Variants in SETDB2 observed in about 807,000 individuals in gnomAD.
SETDB2 encodes SET domain bifurcated histone lysine methyltransferase 2.
In SETDB2, 56 loss-of-function variants were observed where a neutral mutation model predicts 82.5. That is an observed-to-expected ratio of 0.68 (90% confidence interval 0.55 to 0.85). SETDB2 has a LOEUF of 0.85. SETDB2 is among the 40% of genes least tolerant of loss of function. The probability of loss-of-function intolerance (pLI) is 0.00; values close to 1 mark genes in which losing one functional copy is unlikely to be tolerated. For missense variants in SETDB2, 677 were observed against 816.4 expected (o/e 0.83, Z 2.08); for synonymous variants, 272 against 284.9 (o/e 0.95, Z 0.46).
chr13:49,447,415 T>C (rs181672150), intron 1 of SETDB2, among the ~76,000 whole-genome samples: 11 of 152,274 alleles, frequency 7.2e-5, no homozygotes, highest in Admixed American at 5.2e-4. Context: ...AGTACAGTAT[T>C]GAATAAAAAC....
At chr13:49,473,274 G>T (rs1320646397) in intron 5 of SETDB2, among the ~76,000 whole-genome samples, 1 of 152,014 alleles carries the variant, frequency 6.6e-6, no homozygotes, top group Non-Finnish European at 1.5e-5. Context: ...CCGAGGCCAG[G>T]TGCGGTGGCT....
At chr13:49,455,357 A>G (rs1306130853) in intron 2 of SETDB2, among the ~76,000 whole-genome samples, 1 of 152,174 alleles carries the variant, frequency 6.6e-6, no homozygotes, top group Non-Finnish European at 1.5e-5. Context: ...CATATCATTG[A>G]GTATTTTTAC....
At position 49,444,279 on chromosome 13, in the gene SETDB2, T is replaced by C. The variant is rs867009902; in HGVS notation, c.-920T>C. On this transcript the variant is annotated 5_prime_UTR_variant, in exon 1 of 14. Coordinates refer to ENST00000611815, the MANE Select transcript of SETDB2 (RefSeq NM_001160308.3). The stretch of plus-strand genomic sequence containing the variant: ...AGGTCGGCCTGGTCCCCGGCGGAGG[T>C]TACGCCTTCCCTCATCCCCGGTAGA... 1 of 330,910 alleles carries C rather than the reference T, an allele frequency of 3.0e-6. No homozygotes were observed. The highest frequency in any genetic ancestry group is 6.0e-6 in the Non-Finnish European group (1 of 167,438). 20.5% of individuals were successfully genotyped at this position (330,910 alleles called of 1,614,324 possible). A position where few individuals can be genotyped will look rare whatever the true frequency, so the allele number is the denominator to read the frequency against.
At chr13:49,466,089 A>T (rs944712478) in intron 4 of SETDB2, among the ~76,000 whole-genome samples, 1 of 152,220 alleles carries the variant, frequency 6.6e-6, no homozygotes, top group Non-Finnish European at 1.5e-5. Flanking sequence ...AACAGGTAAC[A>T]GTCACAAGGG....
In SETDB2 at chr13:49,488,302, C is replaced by A; in HGVS notation, c.1589C>A (p.Ser530Ter). ...AAATGTCTATTAGAGGACTCAAGTT[C>A]AAACCATGTTGATGAGTTTGAAGAT... Reference protein sequence around the residue: ...KTKGAQKDSSSNHVDEFEDNL... With the variant: ...KTKGAQKDSS The change falls in exon 12 of 14, where the codon TCA becomes TAA. Residue 530 changes from serine to a stop codon, truncating the protein, a stop_gained. Transcript: ENST00000611815. LOFTEE classifies it high-confidence loss of function. 1.3e-6 allele frequency: 2 copies of A among 1,584,912 alleles called. No individual in the cohort carries two copies. Among genetic ancestry groups the A allele is most frequent in the South Asian group, 2.3e-5 (2 of 85,198 alleles).
At chr13:49,470,321 T>A (rs565215184) in intron 5 of SETDB2, among the ~76,000 whole-genome samples, 7 of 152,330 alleles carry the variant, frequency 4.6e-5, no homozygotes, top group African/African-American at 1.7e-4. Context: ...GGACATGTCT[T>A]ATTAGGCTTA....
At chr13:49,475,444 G>C (rs1299963654) in intron 5 of SETDB2, among the ~76,000 whole-genome samples, 1 of 151,668 alleles carries the variant, frequency 6.6e-6, no homozygotes, top group Admixed American at 6.6e-5. Context: ...CAGATTATTT[G>C]TGAAAGTTTA....
At chr13:49,487,051 A>G (rs1237517774) in intron 11 of SETDB2, among the ~76,000 whole-genome samples, 2 of 152,160 alleles carry the variant, frequency 1.3e-5, no homozygotes, top group Admixed American at 6.5e-5. Context: ...TGCCCTTTTC[A>G]TTGACTGCTA....
At chr13:49,457,334 T>G (rs557236420) in intron 2 of SETDB2, among the ~76,000 whole-genome samples, 118 of 151,974 alleles carry the variant, frequency 7.8e-4, no homozygotes, top group Middle Eastern at 6.8e-3. Flanking sequence ...CAGAATAATT[T>G]AGTAGCATGT....
intron 5 of SETDB2, among the ~76,000 whole-genome samples, chr13:49,471,327 A>G (rs184219331): frequency 1.3e-5 from 2 of 152,090 alleles, no homozygotes; most frequent in East Asian, 3.9e-4. Context: ...TAAGTGAGTT[A>G]TGACATAGGT....
intron 4 of SETDB2, among the ~76,000 whole-genome samples, chr13:49,463,303 G>A (rs374170670): frequency 2.6e-4 from 39 of 152,096 alleles, no homozygotes; most frequent in South Asian, 6.2e-4. Context: ...GAGCCACCGC[G>A]CCTGGTCAAC....
chr13:49,482,613 TA>T, intron 8 of SETDB2, 123 bp from the exon 9 acceptor site: 1 of 667,234 alleles, frequency 1.5e-6, no homozygotes, highest in Non-Finnish European at 2.5e-6. Context: ...TAGGATGAGT[TA>T]ATGTGTTTAT....
intron 12 of SETDB2, among the ~76,000 whole-genome samples, chr13:49,489,738 G>A (rs9535251): frequency 0.5 from 74,858 of 149,186 alleles, 18,935 homozygotes; most frequent in African/African-American, 0.56. Flanking sequence ...TGAGATTACA[G>A]GTGTGCACCA....
At position 49,451,845 on chromosome 13, in the gene SETDB2, T is replaced by G. The variant is rs1490365821; in HGVS notation, c.-49T>G. ...GTGATATTCTGCAATCAAAGTGATT[T>G]GATAAACCTAATTTTGAAGCATTTT... On this transcript the variant is annotated 5_prime_UTR_variant, in exon 2 of 14. Coordinates refer to ENST00000611815, the MANE Select transcript of SETDB2 (RefSeq NM_001160308.3). 2 of 1,498,290 alleles carry G rather than the reference T, an allele frequency of 1.3e-6. No homozygotes were observed. The highest frequency in any genetic ancestry group is 2.4e-5 in the South Asian group (2 of 83,274). The allele number at this position is 1,498,290 out of a possible 1,614,324, so 92.8% of individuals were successfully genotyped here.
chr13:49,472,700 A>G (rs1958274612), intron 5 of SETDB2, among the ~76,000 whole-genome samples: 1 of 152,058 alleles, frequency 6.6e-6, no homozygotes, highest in Non-Finnish European at 1.5e-5. Flanking sequence ...CCTTCTCTTT[A>G]GTAAAATGAA....
intron 11 of SETDB2, among the ~76,000 whole-genome samples, chr13:49,486,182 G>A (rs1449037461): frequency 6.6e-6 from 1 of 152,020 alleles, no homozygotes; most frequent in African/African-American, 2.4e-5. Flanking sequence ...GTGCACACCT[G>A]AGGTCTTAGC....
At chr13:49,458,692 T>C (rs1957938631) in intron 2 of SETDB2, among the ~76,000 whole-genome samples, 1 of 152,246 alleles carries the variant, frequency 6.6e-6, no homozygotes, top group African/African-American at 2.4e-5. Flanking sequence ...CAGATCTTAC[T>C]CTAGAGCCTA....
chr13:49,463,925 T>C, intron 4 of SETDB2: 2 of 700,948 alleles, frequency 2.9e-6, no homozygotes, highest in Non-Finnish European at 2.6e-6. Context: ...GTCTGGGCTG[T>C]GCCTATTGCT....
At position 49,476,853 on chromosome 13, in the gene SETDB2, T is replaced by C; in HGVS notation, c.683T>C (p.Val228Ala). The change falls in exon 6 of 14, where the codon GTT (valine) becomes GCT (alanine). Residue 228 changes from valine (V) to alanine (A), a missense_variant. By Grantham distance (64) the Val-to-Ala change is moderately conservative. Coordinates refer to ENST00000611815, the MANE Select transcript of SETDB2 (RefSeq NM_001160308.3). ...LARNYPKQKEVVSDVDISNGV... is the reference protein window; with the variant it reads ...LARNYPKQKEAVSDVDISNGV... Reference sequence around the variant, plus strand: ...CGGAATTACCCAAAGCAAAAAGAAGTTGTTTCTGATGTGGATATTAGCAAT... The same window carrying C: ...CGGAATTACCCAAAGCAAAAAGAAGCTGTTTCTGATGTGGATATTAGCAAT... 6.2e-7 allele frequency: 1 copy of C among 1,614,142 alleles called. No homozygotes were observed. Among genetic ancestry groups the C allele is most frequent in the Non-Finnish European group, 8.5e-7 (1 of 1,180,032 alleles).
Sources: allele counts gnomAD v4.1 joint callset (sites outside exome capture counted in the v4.1 genomes callset), GRCh38; gene constraint gnomAD v4.1.1; transcripts MANE v1.5; gene names NCBI Gene and HGNC (gene_info 2026-07-23, HGNC 2026-07-21).